KCNG3: variants seen among roughly 807,000 people sequenced by gnomAD.
KCNG3 encodes the protein voltage-gated potassium channel regulatory subunit KCNG3.
In KCNG3, 15 loss-of-function variants were observed where a neutral mutation model predicts 29.0. The observed-to-expected ratio is 0.52, with a 90% CI of 0.35 to 0.80. The LOEUF is 0.80. KCNG3 is among the 30% of genes least tolerant of loss of function. KCNG3 has a pLI of 0.01. For missense variants in KCNG3, 512 were observed against 605.7 expected (o/e 0.85, Z 1.62); for synonymous variants, 322 against 248.9 (o/e 1.29, Z -2.76).
chr2:42,397,188 G>A, the KCNG3 span, among the ~76,000 whole-genome samples: 2 of 151,068 alleles, frequency 1.3e-5, no homozygotes, highest in East Asian at 2.0e-4. Context: ...AGGTTACAGC[G>A]AGCCAAGATC....
Position 42,443,718 on chromosome 2 carries a change from G to A in KCNG3, c.*216C>T. 2.4e-6 allele frequency: 1 copy of A among 417,704 alleles called. No individual in the cohort carries two copies. The allele number at this position is 417,704 out of a possible 1,614,324, so 25.9% of individuals were successfully genotyped here. A position where few individuals can be genotyped will look rare whatever the true frequency, so the allele number is the denominator to read the frequency against. ...AGTCTAAATAAAACCGGGTCCTAAA[G>A]TTTACTCTAGGAGTCATTATTCTTC... is the stretch of plus-strand genomic sequence containing the variant. On this transcript the variant is annotated 3_prime_UTR_variant, in exon 2 of 2. Transcript: ENST00000306078.
chr2:42,477,383 A>C (rs112228262), intron 1 of KCNG3, among the ~76,000 whole-genome samples: 1 of 103,094 alleles, frequency 9.7e-6, no homozygotes, highest in African/African-American at 4.9e-5. Context: ...ACACACACAT[A>C]TATATACACA....
At chr2:42,478,167 C>T (rs183769587) in intron 1 of KCNG3, among the ~76,000 whole-genome samples, 2 of 152,242 alleles carry the variant, frequency 1.3e-5, no homozygotes, top group Non-Finnish European at 2.9e-5. Context: ...TTACACTCAA[C>T]TCCTGAGGAT....
chr2:42,449,645 G>A (rs1252076050), intron 1 of KCNG3, among the ~76,000 whole-genome samples: 2 of 151,446 alleles, frequency 1.3e-5, no homozygotes, highest in East Asian at 1.9e-4. Flanking sequence ...AGCTTCCTGA[G>A]TAGCTGGGAT....
intron 1 of KCNG3, among the ~76,000 whole-genome samples, chr2:42,475,646 T>TAAAAAAA (rs753198436): frequency 7.4e-6 from 1 of 136,052 alleles, no homozygotes; most frequent in African/African-American, 2.7e-5. Context: ...TCTGTCTCTT[T>TAAAAAAA]AAAAAAAAAA....
chr2:42,440,930 C>CT (rs910850463), downstream of KCNG3, among the ~76,000 whole-genome samples: 3 of 152,134 alleles, frequency 2.0e-5, no homozygotes, highest in African/African-American at 7.2e-5. Context: ...GAGATTAGGG[C>CT]TTTTTTCCTC....
chr2:42,454,854 A>G (rs1263647921), intron 1 of KCNG3, among the ~76,000 whole-genome samples: 2 of 152,248 alleles, frequency 1.3e-5, no homozygotes, highest in Non-Finnish European at 2.9e-5. Flanking sequence ...AAATTCACAG[A>G]AACAAAAAGA....
intron 1 of KCNG3, among the ~76,000 whole-genome samples, chr2:42,459,843 G>A (rs1672971355): frequency 6.6e-6 from 1 of 152,060 alleles, no homozygotes; most frequent in Non-Finnish European, 1.5e-5. Flanking sequence ...GGGCATGGTG[G>A]CGGACACCTG....
downstream of KCNG3, chr2:42,440,441 T>C (rs1672446489): frequency 6.7e-6 from 1 of 148,412 alleles, no homozygotes; most frequent in African/African-American, 2.5e-5. Flanking sequence ...GAGGCTTTAA[T>C]ATTTCAAATA....
intron 1 of KCNG3, among the ~76,000 whole-genome samples, chr2:42,489,032 C>T (rs2103741913): frequency 6.6e-6 from 1 of 152,102 alleles, no homozygotes. Flanking sequence ...CAGTGGCTCA[C>T]ACCTGTAATC....
the KCNG3 span, among the ~76,000 whole-genome samples, chr2:42,421,881 T>G: frequency 6.6e-6 from 1 of 152,228 alleles, no homozygotes; most frequent in Non-Finnish European, 1.5e-5. Context: ...CTCTTTAAAC[T>G]ACCAATCCAA....
chr2:42,464,656 C>T (rs1466221318), intron 1 of KCNG3, among the ~76,000 whole-genome samples: 1 of 152,200 alleles, frequency 6.6e-6, no homozygotes, highest in Non-Finnish European at 1.5e-5. Context: ...CCCCAGTCTT[C>T]TCACGCCTCT....
intron 1 of KCNG3, among the ~76,000 whole-genome samples, chr2:42,480,809 A>C (rs1673563253): frequency 6.8e-6 from 1 of 146,788 alleles, no homozygotes; most frequent in African/African-American, 2.5e-5. Flanking sequence ...TTTGAGATGG[A>C]GTCTTGCTCT....
At chr2:42,464,991 G>A (rs1673104850) in intron 1 of KCNG3, among the ~76,000 whole-genome samples, 1 of 151,912 alleles carries the variant, frequency 6.6e-6, no homozygotes, top group African/African-American at 2.4e-5. Context: ...CTAAATTAAT[G>A]GTACAAAAAA....
chr2:42,395,308 A>G, the KCNG3 span, among the ~76,000 whole-genome samples: 1 of 152,282 alleles, frequency 6.6e-6, no homozygotes, highest in South Asian at 2.1e-4. Flanking sequence ...GAAAAAAAAC[A>G]CACAGCACTC....
chr2:42,455,021 ATTG>A (rs1375425938), intron 1 of KCNG3, among the ~76,000 whole-genome samples: 1 of 152,242 alleles, frequency 6.6e-6, no homozygotes, highest in Non-Finnish European at 1.5e-5. Context: ...ATACTTAAAA[ATTG>A]TTAAGATGGT....
chr2:42,493,133 G>C lies in KCNG3; in HGVS notation c.369C>G (p.Thr123=). The C allele has an allele frequency of 1.9e-6, 3 of 1,604,304 alleles. No homozygotes were observed. Among genetic ancestry groups the C allele is most frequent in the Non-Finnish European group, 2.5e-6 (3 of 1,178,856 alleles). Residue 123 remains threonine (T), a synonymous_variant, in exon 1 of 2, where the codon ACC becomes ACG. Transcript: ENST00000306078. ...QRRLDDRMSD[T]YTFYSADEPG... Reference sequence around the variant, plus strand: ...GCTCGTCGGCCGAGTAGAAGGTGTAGGTGTCGGACATGCGGTCGTCGAGGC... The same window carrying C: ...GCTCGTCGGCCGAGTAGAAGGTGTACGTGTCGGACATGCGGTCGTCGAGGC...
At chr2:42,491,043 C>T (rs903643535) in intron 1 of KCNG3, among the ~76,000 whole-genome samples, 4 of 152,150 alleles carry the variant, frequency 2.6e-5, no homozygotes, top group Non-Finnish European at 5.9e-5. Flanking sequence ...GAAAAACATG[C>T]TTTTGCCTGA....
At chr2:42,403,300 C>T in the KCNG3 span, among the ~76,000 whole-genome samples, 7,809 of 151,978 alleles carry the variant, frequency 0.051, 280 homozygotes, top group Non-Finnish European at 0.078. Context: ...CATCACTACA[C>T]CTGGCTAATT....
Sources: allele counts gnomAD v4.1 joint callset (sites outside exome capture counted in the v4.1 genomes callset), GRCh38; gene constraint gnomAD v4.1.1; transcripts MANE v1.5; gene names NCBI Gene and HGNC (gene_info 2026-07-23, HGNC 2026-07-21).